ADK: variants seen among roughly 807,000 people sequenced by gnomAD.
The protein encoded by ADK is adenosine kinase.
Under a neutral mutation model 44.7 loss-of-function variants are expected in ADK, and 24 were observed. The observed-to-expected ratio is 0.54, with a 90% CI of 0.39 to 0.76. ADK has a LOEUF of 0.76. Ranked by LOEUF, ADK falls within the 30% of genes least tolerant of loss-of-function variation. The pLI, the probability that ADK is intolerant of heterozygous loss-of-function variation, is 0.00. For missense variants in ADK, 321 were observed against 425.1 expected, an observed-to-expected ratio of 0.76 and a Z score of 2.15; for synonymous variants, 128 against 142.6, an observed-to-expected ratio of 0.90 and a Z score of 0.73.
chr10:74,380,529 C>T (rs886360527), intron 4 of ADK, among the ~76,000 whole-genome samples: 6 of 152,110 alleles, frequency 3.9e-5, no homozygotes, highest in East Asian at 1.9e-4. Flanking sequence ...GAGGCTGAGA[C>T]GGGCGGATCA....
At chr10:74,600,562 ATTCT>A (rs778351993) in intron 9 of ADK, 69 bp downstream of exon 9, 67 of 842,674 alleles carry the variant, frequency 8.0e-5, no homozygotes, top group Non-Finnish European at 1.2e-4. Flanking sequence ...AAAATTCTGT[ATTCT>A]TTCTATTATA....
chr10:74,379,073 G>T (rs1842902878), intron 4 of ADK, among the ~76,000 whole-genome samples: 1 of 152,106 alleles, frequency 6.6e-6, no homozygotes. Flanking sequence ...GAACCTGTAG[G>T]GCCTCATAGA....
chr10:74,584,720 C>T (rs909843071), intron 7 of ADK, among the ~76,000 whole-genome samples: 2 of 152,120 alleles, frequency 1.3e-5, no homozygotes, highest in African/African-American at 4.8e-5. Flanking sequence ...CACATGTACA[C>T]AGATGCTAGC....
At chr10:74,566,537 C>G (rs1031304631) in intron 7 of ADK, among the ~76,000 whole-genome samples, 1 of 152,096 alleles carries the variant, frequency 6.6e-6, no homozygotes. Context: ...ACCATAATCA[C>G]TTATCTATTT....
intron 3 of ADK, among the ~76,000 whole-genome samples, chr10:74,249,247 A>G (rs1845552136): frequency 6.6e-6 from 1 of 152,186 alleles, no homozygotes. Flanking sequence ...TTTTTTAGGC[A>G]TGCTAGAGGA....
intron 3 of ADK, among the ~76,000 whole-genome samples, chr10:74,296,878 TGC>T (rs1839838120): frequency 1.3e-5 from 2 of 152,144 alleles, no homozygotes; most frequent in African/African-American, 4.8e-5. Flanking sequence ...CCTCCCAAAG[TGC>T]TGGGATTACA....
At chr10:74,696,313 G>A (rs1052191554) in intron 10 of ADK, among the ~76,000 whole-genome samples, 7 of 151,632 alleles carry the variant, frequency 4.6e-5, no homozygotes, top group Non-Finnish European at 8.8e-5. Context: ...AAGCCATTAC[G>A]CCTGGCCTGA....
intron 1 of ADK, among the ~76,000 whole-genome samples, chr10:74,190,848 A>C (rs1476289252): frequency 3.3e-5 from 5 of 152,224 alleles, no homozygotes; most frequent in Non-Finnish European, 7.4e-5. Context: ...GGGCATGGGA[A>C]TAAGGCATGT....
intron 6 of ADK, among the ~76,000 whole-genome samples, chr10:74,427,911 T>C (rs1340327399): frequency 6.6e-6 from 1 of 152,172 alleles, no homozygotes; most frequent in East Asian, 1.9e-4. Context: ...TATTCTTTCA[T>C]AGTTCAGGCG....
At chr10:74,457,672 G>A (rs1403636958) in intron 6 of ADK, among the ~76,000 whole-genome samples, 1 of 152,194 alleles carries the variant, frequency 6.6e-6, no homozygotes, top group Non-Finnish European at 1.5e-5. Context: ...AACCACCATG[G>A]AATACTATGC....
At chr10:74,559,628 A>T (rs999410597) in intron 7 of ADK, among the ~76,000 whole-genome samples, 4 of 152,212 alleles carry the variant, frequency 2.6e-5, no homozygotes, top group African/African-American at 7.2e-5. Context: ...CCTTCAGGGG[A>T]TTCTACCAAA....
At chr10:74,673,813 C>G (rs1266079390) in intron 10 of ADK, among the ~76,000 whole-genome samples, 1 of 152,078 alleles carries the variant, frequency 6.6e-6, no homozygotes, top group African/African-American at 2.4e-5. Flanking sequence ...AAGTGGCTCT[C>G]AACAGGAAGG....
intron 6 of ADK, among the ~76,000 whole-genome samples, chr10:74,480,404 T>G (rs1847025211): frequency 6.6e-6 from 1 of 151,834 alleles, no homozygotes; most frequent in South Asian, 2.1e-4. Flanking sequence ...AATTTGTTGT[T>G]TTTTGTTGTT....
At chr10:74,205,648 C>T (rs1483156408) in intron 2 of ADK, among the ~76,000 whole-genome samples, 1 of 142,786 alleles carries the variant, frequency 7.0e-6, no homozygotes, top group East Asian at 2.0e-4. Flanking sequence ...TGCACTCCAG[C>T]CAGTGTGACA....
At chr10:74,416,524 A>G (rs551196677) in intron 6 of ADK, among the ~76,000 whole-genome samples, 1 of 150,690 alleles carries the variant, frequency 6.6e-6, no homozygotes, top group South Asian at 2.1e-4. Flanking sequence ...TGTTCTCTAT[A>G]CGGATTTCTG....
intron 1 of ADK, among the ~76,000 whole-genome samples, chr10:74,189,157 C>T (rs10824102): frequency 3.9e-5 from 6 of 152,040 alleles, no homozygotes; most frequent in African/African-American, 1.5e-4. Context: ...CCTTTAGCTG[C>T]AGCATACAAT....
intron 1 of ADK, among the ~76,000 whole-genome samples, chr10:74,175,317 G>A (rs554712474): frequency 1.3e-5 from 2 of 151,108 alleles, no homozygotes; most frequent in South Asian, 2.1e-4. Flanking sequence ...CCAGGAGGCA[G>A]AGGTTGGAGA....
intron 9 of ADK, among the ~76,000 whole-genome samples, chr10:74,606,853 G>T (rs1852340440): frequency 6.6e-6 from 1 of 152,132 alleles, no homozygotes; most frequent in East Asian, 1.9e-4. Context: ...CACTATTATT[G>T]TGTGGGAGTC....
At chr10:74,426,188 G>A (rs188052867) in intron 6 of ADK, among the ~76,000 whole-genome samples, 3 of 152,056 alleles carry the variant, frequency 2.0e-5, no homozygotes, top group East Asian at 3.9e-4. Context: ...TGCTCATGCC[G>A]TTAACTATTC....
Sources: gnomAD v4.1 joint callset for allele counts (sites outside exome capture counted in the v4.1 genomes callset) on GRCh38, gnomAD v4.1.1 for gene constraint, MANE v1.5 for transcripts, NCBI Gene and HGNC (gene_info 2026-07-23, HGNC 2026-07-21) for gene names.